Variants in TTC7A observed in about 807,000 individuals in gnomAD.
TTC7A encodes the protein tetratricopeptide repeat domain 7A.
Under a neutral mutation model 103.7 loss-of-function variants are expected in TTC7A, and 110 were observed. The observed-to-expected ratio is 1.06, with a 90% CI of 0.91 to 1.24. The LOEUF is 1.24. TTC7A is among the 50% of genes most tolerant of loss of function. The pLI is 0.00. For missense variants in TTC7A, 1,340 were observed against 1,116.3 expected (o/e 1.20, Z -2.86); for synonymous variants, 521 against 467.9 (o/e 1.11, Z -1.47).
intron 2 of TTC7A, among the ~76,000 whole-genome samples, chr2:46,921,379 A>G (rs550990768): frequency 7.0e-4 from 107 of 152,352 alleles, no homozygotes; most frequent in African/African-American, 2.4e-3. Context: ...GTAGAAATGG[A>G]AATGCTTAAA....
intron 2 of TTC7A, among the ~76,000 whole-genome samples, chr2:46,918,820 C>T (rs779474133): frequency 1.1e-4 from 16 of 152,146 alleles, no homozygotes; most frequent in African/African-American, 1.7e-4. Context: ...AAGAGAAGGG[C>T]AACTCTACGT....
Position 46,941,430 on chromosome 2 carries a change from T to C in TTC7A, c.-112T>C, listed in dbSNP as rs557797799. On this transcript the variant is annotated 5_prime_UTR_variant, in exon 1 of 20. Coordinates refer to ENST00000319190, the MANE Select transcript of TTC7A (RefSeq NM_020458.4). The surrounding 1 kb of genome is among the most constrained non-coding windows in gnomAD (Gnocchi z 4.2). The stretch of plus-strand genomic sequence containing the variant: ...CCCCCGCTGCCGCCCGGGCCCCGGC[T>C]GCCGTCTGCGCCCCCGTCGACCCCG... 4.6e-3 allele frequency: 5,369 copies of C among 1,177,288 alleles called. 19 individuals are homozygous for C. The highest frequency in any genetic ancestry group is 5.4e-3 in the Non-Finnish European group (4,965 of 924,806). The allele number at this position is 1,177,288 out of a possible 1,614,324, so 72.9% of individuals were successfully genotyped here.
chr2:47,054,091 A>T, intron 18 of TTC7A: 1 of 984,896 alleles, frequency 1.0e-6, no homozygotes, highest in Non-Finnish European at 1.2e-6. Context: ...TGTCTTAGAT[A>T]TTCACTCCAC....
chr2:46,982,444 T>G (rs865850857), intron 5 of TTC7A, among the ~76,000 whole-genome samples: 2 of 151,922 alleles, frequency 1.3e-5, no homozygotes, highest in South Asian at 4.2e-4. Context: ...TCTCTCCTCA[T>G]GCCTGGCAGA....
rs570036499 is a variant in TTC7A, at chr2:47,036,781, C to T, written c.1802+7397C>T. 2.0e-5 allele frequency among the ~76,000 whole-genome samples: 3 copies of T among 152,298 alleles called. No homozygotes were observed. The East Asian group carries it at 5.8e-4, about 29-fold the overall frequency. On this transcript the variant is annotated intron_variant, in intron 15 of 19. Coordinates refer to ENST00000319190, the MANE Select transcript of TTC7A (RefSeq NM_020458.4). ...GCTGGGGTGAGAGGATTGGTTGAGC[C>T]TAGGAAGTTCAGGCTGCAGTGAGCT...
Position 46,975,103 on chromosome 2 carries a change from G to A in TTC7A, c.648G>A (p.Lys216=), listed in dbSNP as rs1673743440. 6.2e-7 allele frequency: 1 copy of A among 1,613,450 alleles called. No individual in the cohort carries two copies. Residue 216 remains lysine (K), a splice_region_variant and synonymous_variant, in exon 4 of 20, where the codon AAG becomes AAA. Coordinates refer to ENST00000319190, the MANE Select transcript of TTC7A (RefSeq NM_020458.4). Reference sequence around the variant, plus strand: ...AGGTGTTCCTGCAGGAATTGGAGAAGGTGAGCTGGAAATAACACCGTGGTA... The same window carrying A: ...AGGTGTTCCTGCAGGAATTGGAGAAAGTGAGCTGGAAATAACACCGTGGTA... ...IAQVFLQELE[K]TTNNSTSRHL... is the part of the protein sequence containing the mutation.
intron 15 of TTC7A, chr2:47,034,242 C>G (rs977020621): frequency 1.3e-5 from 2 of 152,226 alleles, no homozygotes; most frequent in Non-Finnish European, 2.9e-5. Flanking sequence ...ATGTGCCAGC[C>G]GGGCTGTCCC....
intron 8 of TTC7A, 102 bp from the exon 9 acceptor site, chr2:47,005,820 A>T (rs1403972739): frequency 1.1e-5 from 15 of 1,384,880 alleles, no homozygotes; most frequent in South Asian, 3.8e-5. Context: ...GGCAGTGGCA[A>T]AAAGGTGATA....
intron 18 of TTC7A, among the ~76,000 whole-genome samples, chr2:47,058,596 C>T (rs1033522139): frequency 2.0e-5 from 3 of 152,212 alleles, no homozygotes; most frequent in Non-Finnish European, 2.9e-5. Flanking sequence ...GGGTTCTTGG[C>T]AAAACCACAA....
intron 18 of TTC7A, among the ~76,000 whole-genome samples, chr2:47,058,072 C>T (rs767640531): frequency 6.6e-6 from 1 of 152,176 alleles, no homozygotes; most frequent in East Asian, 1.9e-4. Context: ...AACAGCAAAG[C>T]GGAGAGGGAG....
Position 46,974,776 on chromosome 2 carries a change from G to A in TTC7A, c.518-197G>A, listed in dbSNP as rs1673692227. ...GATGCACTGTGATTCCCCACGTGCT[G>A]TCCCATCGCTTACTCCCAGCCACTG... On this transcript the variant is annotated intron_variant, in intron 3 of 19. Transcript: ENST00000319190. 5.8e-6 allele frequency: 4 copies of A among 694,724 alleles called. No individual in the cohort carries two copies. In the Admixed American group the frequency reaches 6.8e-5, roughly 12 times the overall value. 43.0% of individuals were successfully genotyped at this position (694,724 alleles called of 1,614,324 possible). A position where few individuals can be genotyped will look rare whatever the true frequency, so the allele number is the denominator to read the frequency against.
At chr2:47,026,402 C>T (rs554533050) in intron 14 of TTC7A, among the ~76,000 whole-genome samples, 7 of 152,250 alleles carry the variant, frequency 4.6e-5, no homozygotes, top group East Asian at 1.9e-4. Flanking sequence ...GTAAGGTGCC[C>T]GGGGAGAACT....
At chr2:46,974,054 A>G (rs1257433339) in intron 3 of TTC7A, among the ~76,000 whole-genome samples, 6 of 152,190 alleles carry the variant, frequency 3.9e-5, no homozygotes, top group Admixed American at 3.3e-4. Flanking sequence ...CAATCGTCCA[A>G]AGTGTACTGC....
intron 11 of TTC7A, among the ~76,000 whole-genome samples, chr2:47,018,248 A>G (rs1427106659): frequency 6.7e-6 from 1 of 150,268 alleles, no homozygotes; most frequent in African/African-American, 2.5e-5. Flanking sequence ...CTGTACTCCA[A>G]CCTAGTGGGT....
At chr2:46,917,253 C>T (rs1479733866) in exon 2 of TTC7A, 1 of 699,922 alleles carries the variant, frequency 1.4e-6, no homozygotes, top group Admixed American at 2.0e-5. Context: ...CCACCTCCGC[C>T]TCCCAAAGTG....
chr2:46,988,781 C>T (rs2104350052), intron 5 of TTC7A, among the ~76,000 whole-genome samples: 1 of 152,270 alleles, frequency 6.6e-6, no homozygotes, highest in East Asian at 1.9e-4. Flanking sequence ...GGTCAAGAGA[C>T]AGGTGTTGTC....
intron 5 of TTC7A, among the ~76,000 whole-genome samples, chr2:46,984,788 C>A (rs933512970): frequency 2.0e-5 from 3 of 152,198 alleles, no homozygotes; most frequent in Non-Finnish European, 4.4e-5. Flanking sequence ...GAGTCACTTG[C>A]CCGAGCTTAC....
chr2:47,034,719 C>T (rs1289649669), intron 15 of TTC7A, among the ~76,000 whole-genome samples: 1 of 152,200 alleles, frequency 6.6e-6, no homozygotes, highest in Admixed American at 6.5e-5. Context: ...CTTCCCCTCT[C>T]CACAGTGGGC....
chr2:46,967,610 A>G (rs1316941409), intron 3 of TTC7A, among the ~76,000 whole-genome samples: 2 of 152,086 alleles, frequency 1.3e-5, no homozygotes, highest in Non-Finnish European at 2.9e-5. Flanking sequence ...AGGCTGAATA[A>G]TATTGTATTG....
Sources: gnomAD v4.1 joint callset for allele counts (sites outside exome capture counted in the v4.1 genomes callset) on GRCh38, gnomAD v4.1.1 for gene constraint, Gnocchi (gnomAD v3.1) non-coding constraint, MANE v1.5 for transcripts, NCBI Gene and HGNC (gene_info 2026-07-23, HGNC 2026-07-21) for gene names.